Variants in RPL6 observed in about 807,000 individuals in gnomAD.
RPL6 encodes large ribosomal subunit protein eL6.
A neutral mutation model predicts 32.1 loss-of-function variants in RPL6; 1 was observed. That is an observed-to-expected ratio of 0.03 (90% CI 0.01 to 0.15). RPL6 has a LOEUF of 0.15. Among genes scored for constraint, RPL6 ranks in the 10% least tolerant of loss-of-function variants. RPL6 has a pLI of 1.00. For synonymous variants in RPL6, 126 were observed against 131.6 expected (o/e 0.96, Z 0.29); for missense variants, 275 against 354.6 (o/e 0.78, Z 1.80).
chr12:112,410,182 G>T (rs2037317728), upstream of RPL6: 2 of 172,204 alleles, frequency 1.2e-5, no homozygotes, highest in Non-Finnish European at 2.6e-5. Flanking sequence ...AGCCGAGTGT[G>T]GTTGTTAGTG....
At position 112,406,880 on chromosome 12, in the gene RPL6, T is replaced by C; in HGVS notation, c.347A>G (p.Tyr116Cys). The C allele has an allele frequency of 6.2e-7, 1 of 1,614,268 alleles. No homozygotes were observed. The highest frequency in any genetic ancestry group is 1.1e-5 in the South Asian group (1 of 91,090). ...VVKLRKMPRY[Y>C]PTEDVPRKLL... is the part of the protein sequence containing the mutation. ...CTTTCGAGGCACATCTTCAGTAGGATAATATCTAGGCTGTGGAGAGTCCAT... is the reference window on the plus strand; with the variant it reads ...CTTTCGAGGCACATCTTCAGTAGGACAATATCTAGGCTGTGGAGAGTCCAT... Residue 116 changes from tyrosine (Y) to cysteine (C), a missense_variant, in exon 4 of 7, where the codon TAT (tyrosine) becomes TGT (cysteine). By Grantham distance (194) the Tyr-to-Cys change is radical (BLOSUM62 -2). Coordinates refer to ENST00000202773, the MANE Select transcript of RPL6 (RefSeq NM_000970.6).
chr12:112,406,076 A>T (rs1224541229), intron 5 of RPL6, 39 bp from the exon 6 acceptor site: 1 of 1,541,016 alleles, frequency 6.5e-7, no homozygotes, highest in Non-Finnish European at 8.9e-7. Context: ...AAAAGGGGGA[A>T]GAATCATCAT....
chr12:112,405,637 A>C (rs2037138829), intron 6 of RPL6: 1 of 610,174 alleles, frequency 1.6e-6, no homozygotes, highest in Non-Finnish European at 2.8e-6. Context: ...GGTAGCAGTT[A>C]ATTCCCACAC....
intron 4 of RPL6, 46 bp from the exon 5 acceptor site, chr12:112,406,388 G>A: frequency 6.6e-7 from 1 of 1,517,492 alleles, no homozygotes. Flanking sequence ...ATTAAAAACT[G>A]ACTTCTGAAT....
chr12:112,405,482 GA>G, intron 6 of RPL6, 106 bp from the exon 7 acceptor site: 1 of 1,155,028 alleles, frequency 8.7e-7, no homozygotes, highest in Admixed American at 2.7e-5. Context: ...AGAATATTTA[GA>G]AAACATTAAA....
At chr12:112,413,635 A>G (rs1367389392), upstream of RPL6, among the ~76,000 whole-genome samples, 2 of 152,028 alleles carry the variant, frequency 1.3e-5, no homozygotes, top group African/African-American at 4.8e-5. Flanking sequence ...CCAGGCTGCC[A>G]GTCTGGTCTC....
chr12:112,412,923 C>CAAAT (rs55801942), upstream of RPL6, among the ~76,000 whole-genome samples: 2,895 of 146,420 alleles, frequency 0.02, 42 homozygotes, highest in Non-Finnish European at 0.019. Context: ...GACTCTGTCT[C>CAAAT]AAATAAATAA....
chr12:112,414,867 T>C (rs2037385581), upstream of RPL6, among the ~76,000 whole-genome samples: 1 of 151,478 alleles, frequency 6.6e-6, no homozygotes, highest in African/African-American at 2.4e-5. Flanking sequence ...ATCACGCCAC[T>C]GCACTCCAGC....
chr12:112,407,944 T>C (rs2037225271), intron 3 of RPL6: 1 of 332,506 alleles, frequency 3.0e-6, no homozygotes, highest in Non-Finnish European at 5.6e-6. Context: ...GGTCTTGAAC[T>C]CCTGACCTCA....
chr12:112,407,975 C>A (rs2037226521), intron 3 of RPL6: 2 of 420,988 alleles, frequency 4.8e-6, no homozygotes, highest in Admixed American at 8.1e-5. Flanking sequence ...TCGCCTCAGC[C>A]TCCCAAAGTG....
chr12:112,406,414 C>A, intron 4 of RPL6, 72 bp from the exon 5 acceptor site: 2 of 1,383,882 alleles, frequency 1.4e-6, no homozygotes, highest in South Asian at 2.4e-5. Flanking sequence ...AAATCACAGG[C>A]ATCTAAATTT....
At chr12:112,408,797 A>G in intron 1 of RPL6, 141 bp from the exon 2 acceptor site, 2 of 699,192 alleles carry the variant, frequency 2.9e-6, no homozygotes, top group Admixed American at 5.9e-5. Context: ...TTCCTCTCAA[A>G]CTCTACCCAT....
In RPL6 at chr12:112,406,595, T is replaced by G. The variant is rs1344063022; in HGVS notation, c.480+152A>C. The G allele has an allele frequency of 7.4e-6, 8 of 1,084,920 alleles. No homozygotes were observed. The African/African-American group carries it at 1.3e-4, about 17-fold the overall frequency. 67.2% of individuals were successfully genotyped at this position (1,084,920 alleles called of 1,614,324 possible). Reference sequence around the variant, plus strand: ...AATAAATCACCATGGATTACACTTCTTATTTGCAACAACTAAGTTGTATCT... The same window carrying G: ...AATAAATCACCATGGATTACACTTCGTATTTGCAACAACTAAGTTGTATCT... On this transcript the variant is annotated intron_variant, in intron 4 of 6. Transcript: ENST00000202773.
Position 112,405,962 on chromosome 12 carries a change from T to C in RPL6, c.605A>G (p.Asp202Gly), listed in dbSNP as rs1179887492. 16 of 1,613,988 alleles carry C rather than the reference T, an allele frequency of 9.9e-6. No homozygotes were observed. The highest frequency in any genetic ancestry group is 1.3e-5 in the African/African-American group (1 of 74,904). ...TTTTGGGATTTTTACATTGCTGATATCGATTTTGGTTGAAGTGGCAATGAC... is the reference window on the plus strand; with the variant it reads ...TTTTGGGATTTTTACATTGCTGATACCGATTTTGGTTGAAGTGGCAATGAC... ...KFVIATSTKI[D>G]ISNVKIPKHL... Residue 202 changes from aspartate (D) to glycine (G), a missense_variant, in exon 6 of 7, where the codon GAT becomes GGT. By Grantham distance (94) the Asp-to-Gly change is moderately conservative (BLOSUM62 -1). Transcript: ENST00000202773.
rs1331595348 is a variant in RPL6, at chr12:112,408,473, T to C, written c.184A>G (p.Met62Val). ...TTGTACATGGCCTTTCTGGAATACA[T>C]GGCAGATCGGGAATACCTGCCAATT... The part of the protein sequence containing the change: ...RGIGRYSRSA[M>V]YSRKAMYKRK... Residue 62 changes from methionine to valine, a missense_variant, in exon 2 of 7, where the codon ATG (methionine) becomes GTG (valine). Transcript: ENST00000202773. The C allele has an allele frequency of 8.1e-6, 13 of 1,614,190 alleles. No individual in the cohort carries two copies. The highest frequency in any genetic ancestry group is 1.1e-5 in the Non-Finnish European group (13 of 1,180,036).
chr12:112,413,210 A>G (rs1031087510), upstream of RPL6, among the ~76,000 whole-genome samples: 1 of 152,218 alleles, frequency 6.6e-6, no homozygotes, highest in African/African-American at 2.4e-5. Context: ...TATTATCTGA[A>G]TTAATCTCTA....
At chr12:112,408,398 G>C in intron 2 of RPL6, 22 bp downstream of exon 2, 1 of 1,613,418 alleles carries the variant, frequency 6.2e-7, no homozygotes, top group Non-Finnish European at 8.5e-7. Flanking sequence ...AGACATAATG[G>C]TCCGTGGTCC....
At chr12:112,413,290 A>G (rs150789593), upstream of RPL6, among the ~76,000 whole-genome samples, 275 of 152,322 alleles carry the variant, frequency 1.8e-3, 1 homozygote, top group African/African-American at 6.4e-3. Flanking sequence ...TAATCCCAGC[A>G]CTTTGGGAAG....
At chr12:112,405,629 T>A (rs2037138576) in intron 6 of RPL6, 1 of 607,960 alleles carries the variant, frequency 1.6e-6, no homozygotes. Context: ...AATACGATGG[T>A]AGCAGTTAAT....
Sources: allele counts gnomAD v4.1 joint callset (sites outside exome capture counted in the v4.1 genomes callset), GRCh38; gene constraint gnomAD v4.1.1; transcripts MANE v1.5; gene names NCBI Gene and HGNC (gene_info 2026-07-23, HGNC 2026-07-21).